The following FCHSD2 variants were observed in gnomAD, a reference collection of about 807,000 sequenced individuals.
The protein encoded by FCHSD2 is FCH and double SH3 domains 2, also known as F-BAR and double SH3 domains protein 2.
FCHSD2 carries 38 observed loss-of-function variants against 108.1 expected under a neutral mutation model. The ratio of observed to expected loss-of-function variants is 0.35; its 90% CI spans 0.27 to 0.46. The LOEUF is 0.46. Ranked by LOEUF, FCHSD2 falls within the 20% of genes least tolerant of loss-of-function variation. The probability of loss-of-function intolerance (pLI) is 1.00; values close to 1 mark genes in which losing one functional copy is unlikely to be tolerated. For synonymous variants in FCHSD2, 279 were observed against 314.7 expected (o/e 0.89, Z 1.20); for missense variants, 751 against 897.8 (o/e 0.84, Z 2.09).
intron 14 of FCHSD2, among the ~76,000 whole-genome samples, chr11:72,847,972 G>A (rs1219133369): frequency 6.6e-6 from 1 of 152,152 alleles, no homozygotes; most frequent in African/African-American, 2.4e-5. Context: ...GATTACAGGC[G>A]TGAGCCACCA....
At chr11:72,923,469 AT>A (rs1856013086) in intron 8 of FCHSD2, among the ~76,000 whole-genome samples, 1 of 151,870 alleles carries the variant, frequency 6.6e-6, no homozygotes. Flanking sequence ...ATTCTTTTGT[AT>A]TTTGGTATTT....
chr11:72,905,354 T>C, intron 9 of FCHSD2, among the ~76,000 whole-genome samples: 1 of 152,222 alleles, frequency 6.6e-6, no homozygotes. Context: ...AGGACTACAA[T>C]GTGTAATAAT....
Position 73,000,900 on chromosome 11 carries a change from G to C in FCHSD2, c.387+90C>G, listed in dbSNP as rs940088615. On this transcript the variant is annotated intron_variant, in intron 5 of 19. Transcript: ENST00000409418. ...AACCAGAAACATATGGGACCATATA[G>C]TTTTAAATAAAATTTAGCATAACCT... 4 of 1,176,396 alleles carry C rather than the reference G, an allele frequency of 3.4e-6. No homozygotes were observed. In the Admixed American group the frequency reaches 7.7e-5, roughly 23 times the overall value. The allele number at this position is 1,176,396 out of a possible 1,614,324, so 72.9% of individuals were successfully genotyped here.
intron 3 of FCHSD2, among the ~76,000 whole-genome samples, chr11:73,068,961 G>A (rs376037263): frequency 6.6e-6 from 1 of 151,470 alleles, no homozygotes; most frequent in Non-Finnish European, 1.5e-5. Flanking sequence ...GCTGCAGTGA[G>A]TCATGACTTC....
chr11:73,057,337 A>G (rs1211119912), intron 3 of FCHSD2, among the ~76,000 whole-genome samples: 3 of 152,128 alleles, frequency 2.0e-5, no homozygotes, highest in Non-Finnish European at 2.9e-5. Flanking sequence ...CTAAAGAATC[A>G]CAAGGAAGAA....
At chr11:72,997,199 G>C (rs1362015927) in intron 5 of FCHSD2, among the ~76,000 whole-genome samples, 2 of 152,182 alleles carry the variant, frequency 1.3e-5, no homozygotes, top group East Asian at 1.9e-4. Context: ...CAGAGCATCA[G>C]AGCAGCTACA....
At chr11:72,942,856 G>A (rs553407327) in intron 8 of FCHSD2, among the ~76,000 whole-genome samples, 1 of 151,940 alleles carries the variant, frequency 6.6e-6, no homozygotes, top group Non-Finnish European at 1.5e-5. Context: ...ATCATAGTTC[G>A]CAGCTTCAAA....
At chr11:72,888,156 T>A (rs556282348) in intron 11 of FCHSD2, among the ~76,000 whole-genome samples, 2 of 152,224 alleles carry the variant, frequency 1.3e-5, no homozygotes, top group Non-Finnish European at 2.9e-5. Flanking sequence ...AAACTGAATA[T>A]TTCATTGTGG....
chr11:72,909,116 A>G (rs1855694398), intron 9 of FCHSD2, among the ~76,000 whole-genome samples: 1 of 151,898 alleles, frequency 6.6e-6, no homozygotes. Context: ...AGCTCGCTGC[A>G]ACCTCCCTGC....
At chr11:72,976,076 T>C (rs1191738844) in intron 8 of FCHSD2, among the ~76,000 whole-genome samples, 6 of 152,202 alleles carry the variant, frequency 3.9e-5, no homozygotes, top group Non-Finnish European at 8.8e-5. Context: ...TTTCTGTAGA[T>C]TTGATGAAAT....
At chr11:72,978,307 A>T (rs2135392197) in intron 8 of FCHSD2, among the ~76,000 whole-genome samples, 1 of 152,288 alleles carries the variant, frequency 6.6e-6, no homozygotes, top group East Asian at 1.9e-4. Context: ...CTTAAAGTAT[A>T]ATAAAAAAAG....
At chr11:72,920,909 C>T (rs1484363954) in intron 9 of FCHSD2, among the ~76,000 whole-genome samples, 1 of 152,078 alleles carries the variant, frequency 6.6e-6, no homozygotes, top group Non-Finnish European at 1.5e-5. Flanking sequence ...CTTTTATAAA[C>T]ACAGAATTGA....
At chr11:72,971,593 G>A (rs1857007446) in intron 8 of FCHSD2, among the ~76,000 whole-genome samples, 1 of 152,138 alleles carries the variant, frequency 6.6e-6, no homozygotes, top group Non-Finnish European at 1.5e-5. Flanking sequence ...GCACCTCTAG[G>A]AGCTGAGAAT....
chr11:72,959,175 G>A (rs932469347), intron 8 of FCHSD2, among the ~76,000 whole-genome samples: 1 of 144,546 alleles, frequency 6.9e-6, no homozygotes, highest in African/African-American at 2.6e-5. Context: ...TTTCAATCCT[G>A]GTTTCCCTGT....
chr11:72,985,097 G>T lies in FCHSD2; in HGVS notation c.541C>A (p.Gln181Lys). The change falls in exon 7 of 20, where the codon CAA becomes AAA. Residue 181 changes from glutamine to lysine, a missense_variant. Physicochemically the swap from Gln to Lys is moderately conservative, Grantham distance 53. Coordinates refer to ENST00000409418, the MANE Select transcript of FCHSD2 (RefSeq NM_014824.3). ...GCCTTCTGTAAACTGATTCTTGATT[G>T]AAAAAGACTAAGTTTAGATCTATAA... Reference protein sequence around the residue: ...IEAKSKLSLFQSRISLQKASV... With the variant: ...IEAKSKLSLFKSRISLQKASV... 2 of 1,237,286 alleles carry T rather than the reference G, an allele frequency of 1.6e-6. No individual in the cohort carries two copies. Among genetic ancestry groups the T allele is most frequent in the Non-Finnish European group, 2.3e-6 (2 of 866,144 alleles). The allele number at this position is 1,237,286 out of a possible 1,614,324, so 76.6% of individuals were successfully genotyped here.
At position 73,132,292 on chromosome 11, in the gene FCHSD2, A is replaced by G. The variant is rs548964330; in HGVS notation, c.119+7739T>C. 9.2e-5 allele frequency among the ~76,000 whole-genome samples: 14 copies of G among 152,336 alleles called. No homozygotes were observed. The South Asian group carries it at 2.9e-3, about 32-fold the overall frequency. ...TTTTCCACTAATAACAGTAGCTACC[A>G]ATGCTAAATACCTACCATTCTTGGC... On this transcript the variant is annotated intron_variant, in intron 2 of 19. Transcript: ENST00000409418.
intron 3 of FCHSD2, among the ~76,000 whole-genome samples, chr11:73,069,310 C>CAAAAAAAAAAAA: frequency 2.2e-5 from 1 of 45,994 alleles, no homozygotes; most frequent in East Asian, 6.5e-4. Context: ...AACTCTGTCT[C>CAAAAAAAAAAAA]AAAAAAAAAA....
rs766223788 is a variant in FCHSD2, at chr11:72,837,083, C to G, written c.*1708G>C. The G allele has an allele frequency of 7.9e-5, 12 of 152,106 alleles. No individual in the cohort carries two copies. The highest frequency in any genetic ancestry group is 1.2e-4 in the Non-Finnish European group (8 of 68,012). The allele number at this position is 152,106 out of a possible 1,614,324, so 9.4% of individuals were successfully genotyped here. A position where few individuals can be genotyped will look rare whatever the true frequency, so the allele number is the denominator to read the frequency against. ...ACAAGACTGGGTGGCAAGAACTGCTCTATTTAATAAGCATTTGAAGATTTT... is the reference window on the plus strand; with the variant it reads ...ACAAGACTGGGTGGCAAGAACTGCTGTATTTAATAAGCATTTGAAGATTTT... On this transcript the variant is annotated 3_prime_UTR_variant, in exon 20 of 20. Coordinates refer to ENST00000409418, the MANE Select transcript of FCHSD2 (RefSeq NM_014824.3).
intron 13 of FCHSD2, among the ~76,000 whole-genome samples, chr11:72,855,694 G>T (rs1861410993): frequency 6.6e-6 from 1 of 152,106 alleles, no homozygotes; most frequent in Admixed American, 6.6e-5. Flanking sequence ...TAGCTAAAAG[G>T]CATTTATTAA....
Sources: gnomAD v4.1 joint callset for allele counts (sites outside exome capture counted in the v4.1 genomes callset) on GRCh38, gnomAD v4.1.1 for gene constraint, MANE v1.5 for transcripts, NCBI Gene and HGNC (gene_info 2026-07-23, HGNC 2026-07-21) for gene names.